SSPN: variants seen among roughly 807,000 people sequenced by gnomAD.
The protein encoded by SSPN is sarcospan.
SSPN carries 15 observed loss-of-function variants against 19.1 expected under a neutral mutation model. The observed-to-expected ratio is 0.78, with a 90% confidence interval of 0.52 to 1.21. The LOEUF (loss-of-function observed/expected upper bound fraction) is 1.21. Among genes scored for constraint, SSPN ranks in the 50% most tolerant of loss-of-function variants. The pLI, the probability that SSPN is intolerant of heterozygous loss-of-function variation, is 0.00. For synonymous variants in SSPN, 147 were observed against 140.3 expected (o/e 1.05, Z -0.34); for missense variants, 291 against 314.0 (o/e 0.93, Z 0.55).
chr12:26,145,300 C>T (rs1173547527), intron 1 of SSPN, among the ~76,000 whole-genome samples: 4 of 152,200 alleles, frequency 2.6e-5, no homozygotes, highest in Non-Finnish European at 5.9e-5. Context: ...GATCCTTCCA[C>T]CTTCGGTTCA....
intron 1 of SSPN, among the ~76,000 whole-genome samples, chr12:26,183,236 T>C (rs943941591): frequency 3.9e-5 from 6 of 152,230 alleles, no homozygotes; most frequent in Non-Finnish European, 7.3e-5. Flanking sequence ...CTTGTACTTT[T>C]AGAAATTTCT....
At chr12:26,146,237 C>A (rs1311840307) in intron 1 of SSPN, among the ~76,000 whole-genome samples, 3 of 152,156 alleles carry the variant, frequency 2.0e-5, no homozygotes, top group Non-Finnish European at 2.9e-5. Context: ...CCTGCCGAGG[C>A]AGATGGCCTG....
rs920233938 is a variant in SSPN at position 26,123,995 on chromosome 12, C to T, written c.-31+1843C>T. ...TCAGGAACTTATATTTACATTTATT[C>T]TTATATTTTCTGGGAGTCGCACCAG... On this transcript the variant is annotated intron_variant, in intron 1 of 2. Transcript: ENST00000538142. The T allele has an allele frequency of 2.9e-6, 3 of 1,036,100 alleles. No homozygotes were observed. In the Admixed American group the frequency reaches 5.5e-5, roughly 19 times the overall value. The allele number at this position is 1,036,100 out of a possible 1,614,324, so 64.2% of individuals were successfully genotyped here.
In SSPN at chr12:26,201,025, A is replaced by AT. The variant is rs1565685415; in HGVS notation, c.279+5075dup. Among the ~76,000 whole-genome samples the AT allele has an allele frequency of 4.7e-4, 27 of 57,738 alleles. 1 individual carries two copies. Among genetic ancestry groups the AT allele is most frequent in the African/African-American group, 2.5e-3 (25 of 10,024 alleles). 37.9% of individuals were successfully genotyped at this position (57,738 alleles called of 152,430 possible). On this transcript the variant is annotated intron_variant, in intron 1 of 2. Transcript: ENST00000242729. Reference sequence around the variant, plus strand: ...AGTTAATTTGTGTATATATATATATATATATATATATATATATATATTATA... The same window carrying AT: ...AGTTAATTTGTGTATATATATATATATTATATATATATATATATATATTATA...
chr12:26,174,259 T>C (rs1165012018), intron 1 of SSPN, among the ~76,000 whole-genome samples: 1 of 152,228 alleles, frequency 6.6e-6, no homozygotes, highest in Non-Finnish European at 1.5e-5. Flanking sequence ...AAAGACTATC[T>C]TGGTTAAATA....
intron 1 of SSPN, among the ~76,000 whole-genome samples, chr12:26,137,655 TA>T (rs1474411989): frequency 2.6e-4 from 16 of 60,748 alleles, no homozygotes; most frequent in African/African-American, 1.4e-3. Flanking sequence ...TATATATATA[TA>T]TTTTTTTTTT....
chr12:26,195,641 G>GCGGGGGGCCC lies in SSPN; in HGVS notation c.-31_-30insGGGGGGCCCC. 12 of 1,105,390 alleles carry GCGGGGGGCCC rather than the reference G, an allele frequency of 1.1e-5. No homozygotes were observed. The highest frequency in any genetic ancestry group is 1.3e-5 in the Non-Finnish European group (11 of 878,108). The allele number at this position is 1,105,390 out of a possible 1,614,324, so 68.5% of individuals were successfully genotyped here. On this transcript the variant is annotated 5_prime_UTR_variant, in exon 1 of 3. Coordinates refer to ENST00000242729, the MANE Select transcript of SSPN (RefSeq NM_005086.5). Reference sequence around the variant, plus strand: ...CTCCAGGGCCCAGGGCGCCGCACACGCACCCACCCACCCACCCAGCCTCGC... The same window carrying GCGGGGGGCCC: ...CTCCAGGGCCCAGGGCGCCGCACACGCGGGGGGCCCCACCCACCCACCCACCCAGCCTCGC...
At chr12:26,123,074 G>T in intron 1 of SSPN, 2 of 1,597,326 alleles carry the variant, frequency 1.3e-6, no homozygotes, top group Non-Finnish European at 1.7e-6. Context: ...TCTCAAACCG[G>T]GAGAGGTATT....
At chr12:26,221,942 C>T (rs970228743) in intron 1 of SSPN, among the ~76,000 whole-genome samples, 8 of 152,232 alleles carry the variant, frequency 5.3e-5, no homozygotes, top group Non-Finnish European at 1.2e-4. Context: ...TAAACCCCTA[C>T]AGTTCTTATC....
At chr12:26,172,757 CTT>C (rs992243038) in intron 1 of SSPN, among the ~76,000 whole-genome samples, 29 of 151,712 alleles carry the variant, frequency 1.9e-4, no homozygotes, top group African/African-American at 4.6e-4. Flanking sequence ...ATGGAATCCA[CTT>C]TCTCTCTCTT....
chr12:26,124,783 C>A, intron 1 of SSPN: 11 of 1,614,164 alleles, frequency 6.8e-6, no homozygotes, highest in Non-Finnish European at 9.3e-6. Flanking sequence ...CGTCCATGTT[C>A]AACTGCTGTT....
intron 1 of SSPN, among the ~76,000 whole-genome samples, chr12:26,164,681 A>G (rs975854449): frequency 2.6e-5 from 4 of 152,202 alleles, no homozygotes; most frequent in Non-Finnish European, 5.9e-5. Flanking sequence ...TTGCATTTGT[A>G]TTCTTGGCTG....
chr12:26,124,252 T>TGGGGGGGGGGGGGGGGGGGGGGG, intron 1 of SSPN: 2 of 879,430 alleles, frequency 2.3e-6, no homozygotes, highest in Non-Finnish European at 1.8e-6. Flanking sequence ...TACCCTCGTC[T>TGGGGGGGGGGGGGGGGGGGGGGG]GCCCCCCCCG....
intron 1 of SSPN, among the ~76,000 whole-genome samples, chr12:26,170,561 G>A (rs12296143): frequency 0.013 from 1,960 of 152,266 alleles, 37 homozygotes; most frequent in African/African-American, 0.043. Context: ...GCATTATAAA[G>A]AAAATCTATA....
At chr12:26,146,639 A>G (rs559015373) in intron 1 of SSPN, among the ~76,000 whole-genome samples, 1 of 152,136 alleles carries the variant, frequency 6.6e-6, no homozygotes, top group African/African-American at 2.4e-5. Context: ...CCTGGCCAAC[A>G]TAGCAAAATC....
chr12:26,123,491 G>A (rs1944333937), intron 1 of SSPN: 2 of 752,032 alleles, frequency 2.7e-6, no homozygotes, highest in Admixed American at 3.9e-5. Flanking sequence ...TGAAGGGAAA[G>A]TATAAGCAAT....
intron 1 of SSPN, among the ~76,000 whole-genome samples, chr12:26,216,977 G>A (rs1684549255): frequency 7.8e-6 from 1 of 128,156 alleles, no homozygotes; most frequent in Admixed American, 7.9e-5. Flanking sequence ...GGTTACTGTA[G>A]CCTTGTAGTA....
At chr12:26,226,840 G>A (rs1014700557) in intron 2 of SSPN, among the ~76,000 whole-genome samples, 1 of 152,114 alleles carries the variant, frequency 6.6e-6, no homozygotes, top group African/African-American at 2.4e-5. Context: ...GGCCCTTCCC[G>A]TTCAGGCCAC....
intron 1 of SSPN, among the ~76,000 whole-genome samples, chr12:26,148,907 T>TC (rs1944508753): frequency 6.6e-6 from 1 of 152,138 alleles, no homozygotes; most frequent in Non-Finnish European, 1.5e-5. Context: ...GCTAGGTGCC[T>TC]CCCCCAACCT....
Sources: gnomAD v4.1 joint callset for allele counts (sites outside exome capture counted in the v4.1 genomes callset) on GRCh38, gnomAD v4.1.1 for gene constraint, MANE v1.5 for transcripts, NCBI Gene and HGNC (gene_info 2026-07-23, HGNC 2026-07-21) for gene names.